The following CCDC7 variants were observed in gnomAD, a reference collection of about 807,000 sequenced individuals.
CCDC7 encodes the protein coiled-coil domain-containing protein 7.
A neutral mutation model predicts 196.9 loss-of-function variants in CCDC7; 183 were observed. The ratio of observed to expected loss-of-function variants is 0.93; its 90% confidence interval spans 0.82 to 1.05. The LOEUF is 1.05. Among genes scored for constraint, CCDC7 ranks in the 50% least tolerant of loss-of-function variants. CCDC7 has a pLI of 0.00. For missense variants in CCDC7, 1,540 were observed against 1,482.2 expected (o/e 1.04, Z -0.64); for synonymous variants, 525 against 484.6 (o/e 1.08, Z -1.10).
intron 28 of CCDC7, among the ~76,000 whole-genome samples, chr10:32,756,941 G>A (rs890442739): frequency 9.2e-5 from 14 of 152,156 alleles, no homozygotes; most frequent in Non-Finnish European, 1.6e-4. Flanking sequence ...GAAAAAGCAG[G>A]AGTTGCAATC....
intron 25 of CCDC7, among the ~76,000 whole-genome samples, chr10:32,717,098 C>T (rs1441130404): frequency 6.6e-6 from 1 of 152,150 alleles, no homozygotes; most frequent in Non-Finnish European, 1.5e-5. Flanking sequence ...AGCACCACGT[C>T]GCACTTATTC....
At chr10:32,685,523 T>C (rs992623371) in intron 21 of CCDC7, among the ~76,000 whole-genome samples, 4 of 152,204 alleles carry the variant, frequency 2.6e-5, no homozygotes, top group Non-Finnish European at 5.9e-5. Context: ...TAAGAATCCA[T>C]GACTGTATTC....
At chr10:32,526,394 C>T (rs767969313) in intron 11 of CCDC7, among the ~76,000 whole-genome samples, 2 of 152,158 alleles carry the variant, frequency 1.3e-5, no homozygotes, top group Non-Finnish European at 2.9e-5. Context: ...AGAGCCTGCT[C>T]GTTGTTCTAC....
rs199761389 is a variant in CCDC7, at chr10:32,863,987, TAA to T, written c.4111+9513_4111+9514del. On this transcript the variant is annotated intron_variant, in intron 41 of 41. Coordinates refer to ENST00000639629, the Ensembl canonical transcript of CCDC7. ...AATGAAAAGGCAACCTACTGACTGG[TAA>T]AAAAAAAAAAAAAATTTGCAAACCG... 2.6e-3 allele frequency among the ~76,000 whole-genome samples: 353 copies of T among 138,142 alleles called. 6 individuals carry two copies. The highest frequency in any genetic ancestry group is 0.019 in the Admixed American group (264 of 13,838). 90.6% of individuals were successfully genotyped at this position (138,142 alleles called of 152,430 possible). A position where few individuals can be genotyped will look rare whatever the true frequency, so the allele number is the denominator to read the frequency against.
At chr10:32,705,429 G>A (rs1321027757) in intron 24 of CCDC7, among the ~76,000 whole-genome samples, 2 of 152,166 alleles carry the variant, frequency 1.3e-5, no homozygotes, top group Middle Eastern at 3.4e-3. Flanking sequence ...AAAAGAACCA[G>A]CTAACATCAA....
Position 32,777,581 on chromosome 10 carries a change from G to T in CCDC7, c.2906-1396G>T, listed in dbSNP as rs181571350. 2.5e-3 allele frequency among the ~76,000 whole-genome samples: 374 copies of T among 152,210 alleles called. 2 individuals are homozygous for T. Among genetic ancestry groups the T allele is most frequent in the Non-Finnish European group, 2.0e-3 (136 of 68,034 alleles). ...TTTAATAATAGCTATTCTGGGCCGG[G>T]TGTGGTGGCTCATGCCTGTCATCCC... On this transcript the variant is annotated intron_variant, in intron 28 of 41. Transcript: ENST00000639629.
At chr10:32,546,514 T>G (rs1486907363) in intron 13 of CCDC7, among the ~76,000 whole-genome samples, 4 of 152,218 alleles carry the variant, frequency 2.6e-5, no homozygotes, top group Non-Finnish European at 4.4e-5. Context: ...TTTCAGTGAA[T>G]GGCTCGAGTT....
intron 22 of CCDC7, among the ~76,000 whole-genome samples, chr10:32,688,509 A>G (rs1366183106): frequency 2.0e-5 from 3 of 152,194 alleles, no homozygotes; most frequent in South Asian, 2.1e-4. Context: ...AAAAGATAGT[A>G]TACTAGATAT....
chr10:32,784,882 GT>G (rs965393732), intron 29 of CCDC7, among the ~76,000 whole-genome samples: 3 of 151,482 alleles, frequency 2.0e-5, no homozygotes, highest in African/African-American at 7.3e-5. Flanking sequence ...CACGCGTGTG[GT>G]CCCAGTTACT....
At chr10:32,808,876 G>A (rs1307854193) in intron 30 of CCDC7, among the ~76,000 whole-genome samples, 1 of 152,008 alleles carries the variant, frequency 6.6e-6, no homozygotes, top group Non-Finnish European at 1.5e-5. Flanking sequence ...CAGAATCAAA[G>A]CTAAAATGCC....
chr10:32,522,608 ACAC>A (rs1397294446), intron 11 of CCDC7, among the ~76,000 whole-genome samples: 31 of 152,128 alleles, frequency 2.0e-4, no homozygotes, highest in African/African-American at 5.8e-4. Flanking sequence ...TCTTTTCAAA[ACAC>A]CAACTTTTTG....
At chr10:32,814,249 T>G (rs1010653808) in intron 30 of CCDC7, 121 bp from the exon 32 acceptor site, 2 of 710,042 alleles carry the variant, frequency 2.8e-6, no homozygotes, top group Non-Finnish European at 4.8e-6. Flanking sequence ...TGAGCCACCG[T>G]GCCCAGCCAC....
At chr10:32,735,396 G>A (rs2084694309) in intron 28 of CCDC7, among the ~76,000 whole-genome samples, 2 of 152,088 alleles carry the variant, frequency 1.3e-5, no homozygotes, top group African/African-American at 4.8e-5. Context: ...ATTCTGATAG[G>A]TTTGTAGTGG....
chr10:32,481,021 G>T (rs1177103443), intron 8 of CCDC7, among the ~76,000 whole-genome samples: 1 of 151,998 alleles, frequency 6.6e-6, no homozygotes, highest in East Asian at 1.9e-4. Context: ...TATATATTTA[G>T]GTGTTGCAAT....
rs2075942483 is a variant in CCDC7, at chr10:32,753,327, CA to C, written c.2905+23873del. ...AATGTGGTCATAAATAGATATTAAA[CA>C]AACCAGTTTTGATTTTTATATCTGG... On this transcript the variant is annotated intron_variant, in intron 28 of 41. Coordinates refer to ENST00000639629, the Ensembl canonical transcript of CCDC7. Among the ~76,000 whole-genome samples the C allele has an allele frequency of 2.6e-5, 4 of 152,090 alleles. 1 individual carries two copies. The South Asian group carries it at 8.3e-4, about 32-fold the overall frequency.
chr10:32,571,908 A>G lies in CCDC7; in HGVS notation c.1454+15A>G. The stretch of plus-strand genomic sequence containing the variant: ...ATTGAAAAGAGGTAAAACACTTTTT[A>G]AAAATTTGTTCCCTCATTTTCTAAT... On this transcript the variant is annotated intron_variant, in intron 16 of 41. Transcript: ENST00000639629. The G allele has an allele frequency of 6.4e-7, 1 of 1,567,768 alleles. No individual in the cohort carries two copies. Among genetic ancestry groups the G allele is most frequent in the Non-Finnish European group, 8.6e-7 (1 of 1,160,290 alleles).
At chr10:32,798,569 G>A (rs2084107889) in intron 29 of CCDC7, among the ~76,000 whole-genome samples, 1 of 152,212 alleles carries the variant, frequency 6.6e-6, no homozygotes, top group Non-Finnish European at 1.5e-5. Flanking sequence ...CATTCAGAGA[G>A]GTCCATCCAC....
chr10:32,444,609 A>C (rs538992917), upstream of CCDC7, among the ~76,000 whole-genome samples: 7 of 152,276 alleles, frequency 4.6e-5, no homozygotes, highest in Admixed American at 2.6e-4. Context: ...GGTCTTCTTT[A>C]ATCTCTCCTG....
At chr10:32,564,771 G>T (rs991835279) in intron 13 of CCDC7, among the ~76,000 whole-genome samples, 1 of 151,764 alleles carries the variant, frequency 6.6e-6, no homozygotes, top group African/African-American at 2.4e-5. Flanking sequence ...CCTGCACATT[G>T]TGTACATGTA....
Sources: gnomAD v4.1 joint callset for allele counts (sites outside exome capture counted in the v4.1 genomes callset) on GRCh38, gnomAD v4.1.1 for gene constraint, MANE v1.5 for transcripts, NCBI Gene and HGNC (gene_info 2026-07-23, HGNC 2026-07-21) for gene names.